The following RAB2A variants were observed in gnomAD, a reference collection of about 807,000 sequenced individuals.
RAB2A encodes RAB2A, member RAS oncogene family, also known as ras-related protein Rab-2A.
In RAB2A, 7 loss-of-function variants were observed where a neutral mutation model predicts 32.5. The observed-to-expected ratio is 0.22, with a 90% CI of 0.12 to 0.40. RAB2A has a LOEUF of 0.40. Among genes scored for constraint, RAB2A ranks in the 10% least tolerant of loss-of-function variants. The probability of loss-of-function intolerance (pLI) is 1.00; values close to 1 mark genes in which losing one functional copy is unlikely to be tolerated. For synonymous variants in RAB2A, 79 were observed against 85.2 expected, an observed-to-expected ratio of 0.93 and a Z score of 0.40; for missense variants, 108 against 260.7, an observed-to-expected ratio of 0.41 and a Z score of 4.03.
Position 60,523,333 on chromosome 8 carries a change from A to G in RAB2A, c.46+6080A>G, listed in dbSNP as rs557024931. Among the ~76,000 whole-genome samples, 19 of 148,788 alleles carry G rather than the reference A, an allele frequency of 1.3e-4. No homozygotes were observed. In the South Asian group the frequency reaches 2.1e-3, roughly 17 times the overall value. ...CCACCACGCCCGGCTAATTTTTTGT[A>G]TTTTTAGTGAAGACGGGCTTTCACT... On this transcript the variant is annotated intron_variant, in intron 1 of 7. Coordinates refer to ENST00000262646, the MANE Select transcript of RAB2A (RefSeq NM_002865.3).
At chr8:60,599,616 A>G (rs1563483073) in intron 6 of RAB2A, among the ~76,000 whole-genome samples, 1 of 152,184 alleles carries the variant, frequency 6.6e-6, no homozygotes, top group Non-Finnish European at 1.5e-5. Flanking sequence ...GTAACCTGGA[A>G]ACACGCGTAC....
At chr8:60,574,983 T>C (rs1808249000) in intron 3 of RAB2A, among the ~76,000 whole-genome samples, 1 of 152,152 alleles carries the variant, frequency 6.6e-6, no homozygotes, top group Non-Finnish European at 1.5e-5. Context: ...CCCAATGGCC[T>C]GTTCCAGATT....
chr8:60,582,729 T>C (rs1240394025), intron 3 of RAB2A, among the ~76,000 whole-genome samples: 1 of 152,150 alleles, frequency 6.6e-6, no homozygotes, highest in East Asian at 1.9e-4. Context: ...CCCAGGCTGG[T>C]CTTAACCCAT....
In RAB2A at chr8:60,584,723, G is replaced by A; in HGVS notation, c.270G>A (p.Arg90=). ...AGALLVYDIT[R]RDTFNHLTTW... is the part of the protein sequence containing the mutation. The stretch of plus-strand genomic sequence containing the variant: ...TAATTAAATTATTATTTATGTTTAG[G>A]AGAGATACATTCAACCACTTGACAA... The change falls in exon 5 of 8, where the codon CGG becomes CGA. Residue 90 remains arginine (R), a splice_region_variant and synonymous_variant. Transcript: ENST00000262646. 6.2e-7 allele frequency: 1 copy of A among 1,604,440 alleles called. No individual in the cohort carries two copies. The highest frequency in any genetic ancestry group is 8.5e-7 in the Non-Finnish European group (1 of 1,171,746).
intron 1 of RAB2A, among the ~76,000 whole-genome samples, chr8:60,550,098 G>T (rs1011836736): frequency 4.6e-5 from 7 of 152,030 alleles, no homozygotes; most frequent in African/African-American, 1.7e-4. Flanking sequence ...TGTCTCTTGG[G>T]TGACTAATAG....
chr8:60,519,153 T>A (rs1215116020), intron 1 of RAB2A, among the ~76,000 whole-genome samples: 1 of 40 alleles, frequency 0.025, no homozygotes, highest in African/African-American at 0.25. Context: ...CTTGACACTG[T>A]TATAGTCTGC....
intron 6 of RAB2A, among the ~76,000 whole-genome samples, chr8:60,602,503 C>G (rs1373356201): frequency 6.6e-6 from 1 of 152,162 alleles, no homozygotes; most frequent in Admixed American, 6.5e-5. Context: ...GGAAGACTAA[C>G]AAAAGGGTTT....
intron 1 of RAB2A, among the ~76,000 whole-genome samples, chr8:60,531,445 A>G (rs1359036821): frequency 6.6e-6 from 1 of 152,204 alleles, no homozygotes; most frequent in Non-Finnish European, 1.5e-5. Context: ...ACCTCACAGG[A>G]TTTTTGTGAG....
At chr8:60,598,090 C>T (rs940802232) in intron 6 of RAB2A, among the ~76,000 whole-genome samples, 6 of 152,066 alleles carry the variant, frequency 3.9e-5, no homozygotes, top group Admixed American at 1.3e-4. Context: ...CCCGGCTACT[C>T]GGGAGGCTAA....
intron 6 of RAB2A, among the ~76,000 whole-genome samples, chr8:60,611,712 A>G (rs1444392192): frequency 6.6e-6 from 1 of 152,202 alleles, no homozygotes; most frequent in Non-Finnish European, 1.5e-5. Context: ...TTAATTGAAA[A>G]CATTTTAATA....
At chr8:60,518,291 T>G (rs931537232) in intron 1 of RAB2A, among the ~76,000 whole-genome samples, 1 of 152,214 alleles carries the variant, frequency 6.6e-6, no homozygotes, top group African/African-American at 2.4e-5. Flanking sequence ...TTTGGACCCT[T>G]TGCACAACTT....
intron 2 of RAB2A, among the ~76,000 whole-genome samples, chr8:60,567,449 A>G (rs530161310): frequency 1.3e-5 from 2 of 152,204 alleles, no homozygotes; most frequent in Middle Eastern, 3.4e-3. Context: ...CTTCATACCA[A>G]TTGGTGTTCT....
intron 6 of RAB2A, among the ~76,000 whole-genome samples, chr8:60,611,020 A>G (rs117087315): frequency 6.6e-5 from 10 of 152,328 alleles, no homozygotes; most frequent in Non-Finnish European, 1.2e-4. Context: ...CACTTAAACC[A>G]AAAGCGGAGT....
chr8:60,608,282 G>A (rs1204162931), intron 6 of RAB2A, among the ~76,000 whole-genome samples: 1 of 152,096 alleles, frequency 6.6e-6, no homozygotes, highest in African/African-American at 2.4e-5. Context: ...AATGATGACT[G>A]TATAGGCGCC....
intron 3 of RAB2A, among the ~76,000 whole-genome samples, chr8:60,582,178 G>T (rs1275772463): frequency 6.6e-6 from 1 of 151,916 alleles, no homozygotes; most frequent in Non-Finnish European, 1.5e-5. Flanking sequence ...TGAACTCCTG[G>T]CCTCAAGCAA....
rs1189067975 is a variant in RAB2A at position 60,621,630 on chromosome 8, T to G, written c.*861T>G. 6.6e-6 allele frequency: 1 copy of G among 152,152 alleles called. No homozygotes were observed. Among genetic ancestry groups the G allele is most frequent in the African/African-American group, 2.4e-5 (1 of 41,434 alleles). The allele number at this position is 152,152 out of a possible 1,614,324, so 9.4% of individuals were successfully genotyped here. A position where few individuals can be genotyped will look rare whatever the true frequency, so the allele number is the denominator to read the frequency against. On this transcript the variant is annotated 3_prime_UTR_variant, in exon 8 of 8. Transcript: ENST00000262646. ...TCTTAGCGACTCCAAGAAGAATGAG[T>G]ATCCACATTTAGATGGCACATTATG...
chr8:60,543,449 C>CT (rs985241000), intron 1 of RAB2A, among the ~76,000 whole-genome samples: 11 of 148,454 alleles, frequency 7.4e-5, no homozygotes, highest in African/African-American at 2.8e-4. Context: ...TCTTCATTCA[C>CT]TTTGCTTTCT....
Position 60,565,206 on chromosome 8 carries a change from G to C in RAB2A, c.118+6283G>C, listed in dbSNP as rs183881077. Among the ~76,000 whole-genome samples the C allele has an allele frequency of 1.2e-4, 19 of 152,224 alleles. No homozygotes were observed. The East Asian group carries it at 3.7e-3, about 29-fold the overall frequency. ...GGCAGAGGCAAGAGGATCGCTTGATGCCACATGTTTGAGACCAGCCAGGGC... is the reference window on the plus strand; with the variant it reads ...GGCAGAGGCAAGAGGATCGCTTGATCCCACATGTTTGAGACCAGCCAGGGC... On this transcript the variant is annotated intron_variant, in intron 2 of 7. Transcript: ENST00000262646.
At chr8:60,559,733 C>A (rs1033705901) in intron 2 of RAB2A, among the ~76,000 whole-genome samples, 2 of 152,126 alleles carry the variant, frequency 1.3e-5, no homozygotes, top group African/African-American at 4.8e-5. Flanking sequence ...AATATGAAGA[C>A]GAGATAATTG....
Sources: allele counts gnomAD v4.1 joint callset (sites outside exome capture counted in the v4.1 genomes callset), GRCh38; gene constraint gnomAD v4.1.1; transcripts MANE v1.5; gene names NCBI Gene and HGNC (gene_info 2026-07-23, HGNC 2026-07-21).